Variants in CDH20 observed in about 807,000 individuals in gnomAD.
CDH20 encodes the protein cadherin-20.
CDH20 carries 29 observed loss-of-function variants against 74.2 expected under a neutral mutation model. The ratio of observed to expected loss-of-function variants is 0.39; its 90% CI spans 0.29 to 0.53. The LOEUF is 0.53. Ranked by LOEUF, CDH20 falls within the 20% of genes least tolerant of loss-of-function variation. The pLI, the probability that CDH20 is intolerant of heterozygous loss-of-function variation, is 0.69. For missense variants in CDH20, 988 were observed against 1,048.3 expected, an observed-to-expected ratio of 0.94 and a Z score of 0.79; for synonymous variants, 469 against 405.4, an observed-to-expected ratio of 1.16 and a Z score of -1.88.
At chr18:61,335,706 T>G (rs1389024820) in intron 1 of CDH20, among the ~76,000 whole-genome samples, 2 of 152,174 alleles carry the variant, frequency 1.3e-5, no homozygotes, top group South Asian at 2.1e-4. Flanking sequence ...GATCTAATTT[T>G]GTATCCAAAA....
At chr18:61,407,659 ACACAACGT>A (rs370632917) in intron 1 of CDH20, among the ~76,000 whole-genome samples, 70 of 152,338 alleles carry the variant, frequency 4.6e-4, no homozygotes, top group African/African-American at 1.7e-3. Context: ...ACTGAGAAGG[ACACAACGT>A]CACTTTTGTG....
chr18:61,377,698 G>A (rs998096774), intron 1 of CDH20, among the ~76,000 whole-genome samples: 4 of 151,918 alleles, frequency 2.6e-5, no homozygotes, highest in African/African-American at 9.7e-5. Flanking sequence ...CAAGATTAGG[G>A]ATTCCTACCT....
chr18:61,501,948 T>TG (rs1412137349), intron 4 of CDH20, among the ~76,000 whole-genome samples: 2 of 152,082 alleles, frequency 1.3e-5, no homozygotes, highest in Non-Finnish European at 2.9e-5. Context: ...GCTGTGCCCA[T>TG]GGGGGGCCTT....
intron 1 of CDH20, among the ~76,000 whole-genome samples, chr18:61,480,650 C>T (rs139350222): frequency 2.6e-5 from 4 of 152,276 alleles, no homozygotes; most frequent in African/African-American, 7.2e-5. Context: ...GGTTGCCCTA[C>T]GCAATTCTCA....
rs370715474 is a variant in CDH20, at chr18:61,359,055, A to T, written c.-153+25228A>T. Among the ~76,000 whole-genome samples the T allele has an allele frequency of 1.1e-3, 160 of 152,338 alleles. 1 individual carries two copies. Among genetic ancestry groups the T allele is most frequent in the Non-Finnish European group, 2.0e-3 (133 of 68,022 alleles). ...AAACATCTCTAGAAACCTTTCTGAA[A>T]TAAATAATTAAGACATTCAATTTTC... On this transcript the variant is annotated intron_variant, in intron 1 of 11. Transcript: ENST00000262717.
rs1167680810 is a variant in CDH20, at chr18:61,401,352, G to A, written c.-153+67525G>A. Among the ~76,000 whole-genome samples the A allele has an allele frequency of 3.9e-5, 6 of 152,318 alleles. No homozygotes were observed. In the South Asian group the frequency reaches 6.2e-4, roughly 16 times the overall value. ...GGAAGAGGGAACTCATATTTATTGC[G>A]TTATGTTACAGGCACTATTGGGTTC... is the stretch of plus-strand genomic sequence containing the variant. On this transcript the variant is annotated intron_variant, in intron 1 of 11. Coordinates refer to ENST00000262717, the MANE Select transcript of CDH20 (RefSeq NM_031891.4).
chr18:61,516,455 AAAG>A (rs555390672), intron 6 of CDH20, among the ~76,000 whole-genome samples: 12 of 152,322 alleles, frequency 7.9e-5, no homozygotes, highest in African/African-American at 2.9e-4. Context: ...CTGTGAGAAC[AAAG>A]AAGGGAATAC....
chr18:61,404,869 C>G, intron 1 of CDH20: 1 of 500,018 alleles, frequency 2.0e-6, no homozygotes, highest in East Asian at 4.1e-5. Flanking sequence ...TATTTTTCAC[C>G]AGTCTGTTCT....
rs181331972 is a variant in CDH20 at position 61,443,550 on chromosome 18, G to A, written c.-152-46852G>A. 5.3e-4 allele frequency among the ~76,000 whole-genome samples: 81 copies of A among 152,276 alleles called. 1 individual carries two copies. Among genetic ancestry groups the A allele is most frequent in the Admixed American group, 3.9e-3 (60 of 15,288 alleles). ...ATGCTCCAGAGCCGTGCTACTCAGA[G>A]TGTGGCCCTCGGACCAGCACCTGTC... is the stretch of plus-strand genomic sequence containing the variant. On this transcript the variant is annotated intron_variant, in intron 1 of 11. Transcript: ENST00000262717.
Position 61,432,323 on chromosome 18 carries a change from C to T in CDH20, c.-152-58079C>T, listed in dbSNP as rs537354697. The stretch of plus-strand genomic sequence containing the variant: ...CCACGGCACTGCCCTGACCAGCATG[C>T]TTTTCGTCTGTTCTCCCACACATAT... On this transcript the variant is annotated intron_variant, in intron 1 of 11. Coordinates refer to ENST00000262717, the MANE Select transcript of CDH20 (RefSeq NM_031891.4). Among the ~76,000 whole-genome samples the T allele has an allele frequency of 1.6e-4, 25 of 151,814 alleles. No homozygotes were observed. In the South Asian group the frequency reaches 5.0e-3, roughly 30 times the overall value.
chr18:61,552,634 A>G (rs1913476415), intron 11 of CDH20, among the ~76,000 whole-genome samples: 1 of 152,126 alleles, frequency 6.6e-6, no homozygotes, highest in Non-Finnish European at 1.5e-5. Context: ...GTACTCTCCC[A>G]GTGACACTTG....
At chr18:61,494,465 C>T (rs889423410) in intron 2 of CDH20, among the ~76,000 whole-genome samples, 19 of 152,238 alleles carry the variant, frequency 1.2e-4, no homozygotes, top group African/African-American at 3.6e-4. Context: ...AGCAACCAAG[C>T]GAAGATTTTT....
intron 1 of CDH20, among the ~76,000 whole-genome samples, chr18:61,472,293 C>G (rs1467212854): frequency 6.6e-6 from 1 of 152,066 alleles, no homozygotes; most frequent in Non-Finnish European, 1.5e-5. Flanking sequence ...TCTTACTTCC[C>G]CCCGAGAGAC....
Position 61,499,246 on chromosome 18 carries a change from G to A in CDH20, c.307G>A (p.Ala103Thr), listed in dbSNP as rs762246689. The stretch of plus-strand genomic sequence containing the variant: ...CAAATACATCCTCTCGGGAGAAGGT[G>A]CTGGCATCGTGTTTACCATCGACGA... The part of the protein sequence containing the change: ...SIKYILSGEG[A>T]GIVFTIDDTT... The change falls in exon 3 of 12, where the codon GCT becomes ACT. Residue 103 changes from alanine (A) to threonine (T), a missense_variant. Transcript: ENST00000262717. 7 of 1,612,918 alleles carry A rather than the reference G, an allele frequency of 4.3e-6. No individual in the cohort carries two copies.
At chr18:61,464,593 C>G (rs914243593) in intron 1 of CDH20, among the ~76,000 whole-genome samples, 8 of 152,158 alleles carry the variant, frequency 5.3e-5, no homozygotes, top group Non-Finnish European at 1.2e-4. Context: ...TATGGGAACC[C>G]CAGCAGGGTA....
chr18:61,411,578 GTGTATATATA>G (rs1360594608), intron 1 of CDH20, among the ~76,000 whole-genome samples: 1 of 592 alleles, frequency 1.7e-3, no homozygotes, highest in African/African-American at 3.8e-3. Context: ...GTGTGTGTGT[GTGTATATATA>G]TATATATATA....
chr18:61,519,301 A>G (rs1194746299), intron 6 of CDH20, among the ~76,000 whole-genome samples: 1 of 151,128 alleles, frequency 6.6e-6, no homozygotes, highest in African/African-American at 2.5e-5. Flanking sequence ...GAGAAGAGCA[A>G]CCCCAAGACA....
intron 1 of CDH20, among the ~76,000 whole-genome samples, chr18:61,368,004 A>C (rs1426900553): frequency 1.3e-5 from 2 of 152,056 alleles, no homozygotes; most frequent in Admixed American, 6.6e-5. Context: ...ACCTCATTTT[A>C]ACCTGATCAC....
intron 2 of CDH20, among the ~76,000 whole-genome samples, chr18:61,498,372 C>T (rs1029317357): frequency 7.3e-5 from 11 of 150,442 alleles, no homozygotes; most frequent in African/African-American, 2.7e-4. Flanking sequence ...TGCACTCCAG[C>T]CTGGGTGACA....
Sources: gnomAD v4.1 joint callset for allele counts (sites outside exome capture counted in the v4.1 genomes callset) on GRCh38, gnomAD v4.1.1 for gene constraint, MANE v1.5 for transcripts, NCBI Gene and HGNC (gene_info 2026-07-23, HGNC 2026-07-21) for gene names.